Variants in PLEKHG3 observed in about 807,000 individuals in gnomAD.
PLEKHG3 encodes pleckstrin homology domain-containing family G member 3.
Under a neutral mutation model 94.9 loss-of-function variants are expected in PLEKHG3, and 62 were observed. That is an observed-to-expected ratio of 0.65 (90% CI 0.53 to 0.81). The LOEUF (loss-of-function observed/expected upper bound fraction) is 0.81. Ranked by LOEUF, PLEKHG3 falls within the 30% of genes least tolerant of loss-of-function variation. PLEKHG3 has a pLI of 0.00. For missense variants in PLEKHG3, 1,461 were observed against 1,619.3 expected (o/e 0.90, Z 1.68); for synonymous variants, 614 against 654.0 (o/e 0.94, Z 0.93).
At chr14:64,719,289 C>G (rs781175986) in intron 1 of PLEKHG3, among the ~76,000 whole-genome samples, 3 of 151,784 alleles carry the variant, frequency 2.0e-5, no homozygotes, top group Non-Finnish European at 4.4e-5. Flanking sequence ...GCAGAAAAAT[C>G]TCATTGTCTT....
At chr14:64,737,914 G>C in intron 14 of PLEKHG3, 3 of 1,214,722 alleles carry the variant, frequency 2.5e-6, no homozygotes, top group South Asian at 1.5e-5. Flanking sequence ...TCCCGTACTC[G>C]GGGCCTGCAG....
rs1317315850 is a variant in PLEKHG3 at position 64,745,461 on chromosome 14, CTTT to C, written c.*1762_*1764del. 4 of 152,196 alleles carry C rather than the reference CTTT, an allele frequency of 2.6e-5. No homozygotes were observed. Among genetic ancestry groups the C allele is most frequent in the Non-Finnish European group, 5.9e-5 (4 of 68,092 alleles). The allele number at this position is 152,196 out of a possible 1,614,324, so 9.4% of individuals were successfully genotyped here. On this transcript the variant is annotated 3_prime_UTR_variant, in exon 17 of 17. Coordinates refer to ENST00000247226, the MANE Select transcript of PLEKHG3 (RefSeq NM_001308147.2). The surrounding 1 kb of genome is among the most constrained non-coding windows in gnomAD (Gnocchi z 5.0). ...AGGGAAGATCAGAGGGACCCAGATT[CTTT>C]TTTATCCCCCACTTGAAACGGAGTC...
At position 64,722,369 on chromosome 14, in the gene PLEKHG3, C is replaced by T. The variant is rs769853758; in HGVS notation, c.-39-5224C>T. Among the ~76,000 whole-genome samples, 45 of 152,032 alleles carry T rather than the reference C, an allele frequency of 3.0e-4. No individual in the cohort carries two copies. Among genetic ancestry groups the T allele is most frequent in the Non-Finnish European group, 5.3e-4 (36 of 68,002 alleles). On this transcript the variant is annotated intron_variant, in intron 1 of 16. Coordinates refer to ENST00000247226, the MANE Select transcript of PLEKHG3 (RefSeq NM_001308147.2). The surrounding 1 kb of genome is among the most constrained non-coding windows in gnomAD (Gnocchi z 4.3). ...GATTACAGGTGCATGCCACCACACCCGGCTAATTTTTGTATTTTTAGTAGA... is the reference window on the plus strand; with the variant it reads ...GATTACAGGTGCATGCCACCACACCTGGCTAATTTTTGTATTTTTAGTAGA...
At position 64,725,205 on chromosome 14, in the gene PLEKHG3, G is replaced by A. The variant is rs1345623454; in HGVS notation, c.-39-2388G>A. Among the ~76,000 whole-genome samples, 2 of 152,188 alleles carry A rather than the reference G, an allele frequency of 1.3e-5. No homozygotes were observed. The highest frequency in any genetic ancestry group is 2.9e-5 in the Non-Finnish European group (2 of 68,036). On this transcript the variant is annotated intron_variant, in intron 1 of 16. Coordinates refer to ENST00000247226, the MANE Select transcript of PLEKHG3 (RefSeq NM_001308147.2). The surrounding 1 kb of genome is among the most constrained non-coding windows in gnomAD (Gnocchi z 5.0). ...CTAATGGTGTGTGTGTTGGGGTAGGGGTGGGGCTGTGAGTAATCTTTTGCT... is the reference window on the plus strand; with the variant it reads ...CTAATGGTGTGTGTGTTGGGGTAGGAGTGGGGCTGTGAGTAATCTTTTGCT...
intron 12 of PLEKHG3, among the ~76,000 whole-genome samples, chr14:64,735,363 G>A (rs1353384582): frequency 2.0e-5 from 3 of 152,210 alleles, no homozygotes; most frequent in African/African-American, 7.2e-5. Flanking sequence ...TGTAATCCTA[G>A]CACCTTGGGA....
Position 64,722,764 on chromosome 14 carries a change from T to C in PLEKHG3, c.-39-4829T>C, listed in dbSNP as rs1306933426. 1.3e-5 allele frequency among the ~76,000 whole-genome samples: 2 copies of C among 152,128 alleles called. No homozygotes were observed. The highest frequency in any genetic ancestry group is 3.9e-4 in the East Asian group (2 of 5,190). On this transcript the variant is annotated intron_variant, in intron 1 of 16. Coordinates refer to ENST00000247226, the MANE Select transcript of PLEKHG3 (RefSeq NM_001308147.2). The surrounding 1 kb of genome is among the most constrained non-coding windows in gnomAD (Gnocchi z 4.3). ...GCCCACCAGAGGGTTCACCCCCAAGTGTCCTCTTCCCCTCTCCTGCCTTGT... is the reference window on the plus strand; with the variant it reads ...GCCCACCAGAGGGTTCACCCCCAAGCGTCCTCTTCCCCTCTCCTGCCTTGT...
chr14:64,711,709 G>A (rs1262018579), intron 1 of PLEKHG3, among the ~76,000 whole-genome samples: 1 of 152,184 alleles, frequency 6.6e-6, no homozygotes, highest in Non-Finnish European at 1.5e-5. Context: ...ATTGCGCCCG[G>A]CCAAGAGTTC....
rs1566729644 is a variant in PLEKHG3, at chr14:64,749,477, C to CG, written c.*5778dup. On this transcript the variant is annotated 3_prime_UTR_variant, in exon 17 of 17. Coordinates refer to ENST00000247226, the MANE Select transcript of PLEKHG3 (RefSeq NM_001308147.2). This position sits in a 1 kb window ranked among gnomAD's most constrained non-coding sequence, Gnocchi z 4.7. ...GCAGCCAGGACAGCATCTCCTCCTG[C>CG]GGGGCGGAGGGTCACGGTGGAGTCT... 6 of 1,599,318 alleles carry CG rather than the reference C, an allele frequency of 3.8e-6. No homozygotes were observed. The African/African-American group carries it at 5.3e-5, about 14-fold the overall frequency.
In PLEKHG3 at chr14:64,749,973, G is replaced by A. The variant is rs772384819; in HGVS notation, c.*6270G>A. 107 of 1,614,116 alleles carry A rather than the reference G, an allele frequency of 6.6e-5. No individual in the cohort carries two copies. The highest frequency in any genetic ancestry group is 3.3e-4 in the Middle Eastern group (2 of 6,084). On this transcript the variant is annotated 3_prime_UTR_variant, in exon 17 of 17. Coordinates refer to ENST00000247226, the MANE Select transcript of PLEKHG3 (RefSeq NM_001308147.2). The surrounding 1 kb of genome is among the most constrained non-coding windows in gnomAD (Gnocchi z 4.7). Reference sequence around the variant, plus strand: ...AACCCGAGCTTTCAAAGGCCAGGAAGGCCTCACCTCAGCTTAAAGACGTGC... The same window carrying A: ...AACCCGAGCTTTCAAAGGCCAGGAAAGCCTCACCTCAGCTTAAAGACGTGC...
chr14:64,718,188 G>A lies in PLEKHG3; in HGVS notation c.-39-9405G>A, dbSNP rs1230834244. On this transcript the variant is annotated intron_variant, in intron 1 of 16. Coordinates refer to ENST00000247226, the MANE Select transcript of PLEKHG3 (RefSeq NM_001308147.2). This position sits in a 1 kb window ranked among gnomAD's most constrained non-coding sequence, Gnocchi z 5.0. ...ACTAGCTACTCCTTCTGTTAGCACA[G>A]TTTATTTATTCATGCTTTTGTACTA... Among the ~76,000 whole-genome samples, 1 of 152,190 alleles carries A rather than the reference G, an allele frequency of 6.6e-6. No individual in the cohort carries two copies. The highest frequency in any genetic ancestry group is 1.5e-5 in the Non-Finnish European group (1 of 68,040).
Position 64,749,745 on chromosome 14 carries a change from G to C in PLEKHG3, c.*6042G>C. ...TCATGGAGACACCTCTGGAGGGGGCGCTGGGCAGAGGGCTGGCTCTGATCC... is the reference window on the plus strand; with the variant it reads ...TCATGGAGACACCTCTGGAGGGGGCCCTGGGCAGAGGGCTGGCTCTGATCC... On this transcript the variant is annotated 3_prime_UTR_variant, in exon 17 of 17. Transcript: ENST00000247226. This position sits in a 1 kb window ranked among gnomAD's most constrained non-coding sequence, Gnocchi z 4.7. 1 of 1,600,736 alleles carries C rather than the reference G, an allele frequency of 6.2e-7. No individual in the cohort carries two copies. The highest frequency in any genetic ancestry group is 8.5e-7 in the Non-Finnish European group (1 of 1,172,524).
At chr14:64,706,747 G>A (rs945314365) in intron 1 of PLEKHG3, among the ~76,000 whole-genome samples, 9 of 152,250 alleles carry the variant, frequency 5.9e-5, no homozygotes, top group Non-Finnish European at 1.2e-4. Flanking sequence ...GTTTACGCTG[G>A]AAGAGGCCAA....
chr14:64,740,734 C>T (rs2081668947), intron 15 of PLEKHG3, among the ~76,000 whole-genome samples: 1 of 152,230 alleles, frequency 6.6e-6, no homozygotes, highest in Non-Finnish European at 1.5e-5. Context: ...CCACCTTGTC[C>T]CTGTAGCTCC....
intron 1 of PLEKHG3, among the ~76,000 whole-genome samples, chr14:64,724,409 A>C (rs931240271): frequency 6.6e-5 from 10 of 151,856 alleles, no homozygotes; most frequent in African/African-American, 2.4e-4. Flanking sequence ...AGAGAGAGAG[A>C]GCCTTGTGAT....
chr14:64,724,700 G>C (rs61987057), intron 1 of PLEKHG3, among the ~76,000 whole-genome samples: 7 of 152,206 alleles, frequency 4.6e-5, no homozygotes, highest in African/African-American at 7.2e-5. Flanking sequence ...GTCCCCTGCA[G>C]CTTATGCTGA....
intron 12 of PLEKHG3, among the ~76,000 whole-genome samples, chr14:64,736,253 C>T (rs115478230): frequency 0.012 from 1,821 of 152,346 alleles, 17 homozygotes; most frequent in African/African-American, 0.021. Flanking sequence ...ACACCATTGG[C>T]CTAATGGATG....
Position 64,716,496 on chromosome 14 carries a change from A to AACACAC in PLEKHG3, c.-39-11047_-39-11042dup, listed in dbSNP as rs58480790. ...ACACACACACAACACACACACACAC[A>AACACAC]ACACACACACACACACACACACACA... is the stretch of plus-strand genomic sequence containing the variant. On this transcript the variant is annotated intron_variant, in intron 1 of 16. Transcript: ENST00000247226. This position sits in a 1 kb window ranked among gnomAD's most constrained non-coding sequence, Gnocchi z 5.0. Among the ~76,000 whole-genome samples, 6,724 of 79,408 alleles carry AACACAC rather than the reference A, an allele frequency of 0.085. 518 individuals are homozygous for AACACAC. Among genetic ancestry groups the AACACAC allele is most frequent in the East Asian group, 0.16 (324 of 2,048 alleles). 52.1% of individuals were successfully genotyped at this position (79,408 alleles called of 152,430 possible).
chr14:64,731,106 GA>G lies in PLEKHG3; in HGVS notation c.787del (p.Thr263ProfsTer10). On this transcript the variant is annotated frameshift_variant, in exon 7 of 17. Coordinates refer to ENST00000247226, the MANE Select transcript of PLEKHG3 (RefSeq NM_001308147.2). LOFTEE classifies it high-confidence loss of function. This position sits in a 1 kb window ranked among gnomAD's most constrained non-coding sequence, Gnocchi z 6.1. The stretch of plus-strand genomic sequence containing the variant: ...TGGTGGAGGATGCCATTGACACCAT[GA>G]CCTGTGTGGCCTGGTACATCAACGA... Reference protein sequence around the residue: ...EVVEDAIDTMTCVAWYINDMK... With the variant: ...EVVEDAIDTMXCVAWYINDMK... 3 of 1,612,642 alleles carry G rather than the reference GA, an allele frequency of 1.9e-6. No homozygotes were observed. The highest frequency in any genetic ancestry group is 2.5e-6 in the Non-Finnish European group (3 of 1,178,704).
Position 64,744,664 on chromosome 14 carries a change from G to T in PLEKHG3, c.*961G>T, listed in dbSNP as rs2081796375. 6.6e-6 allele frequency: 1 copy of T among 152,216 alleles called. No homozygotes were observed. Among genetic ancestry groups the T allele is most frequent in the African/African-American group, 2.4e-5 (1 of 41,428 alleles). 9.4% of individuals were successfully genotyped at this position (152,216 alleles called of 1,614,324 possible). ...GGGCCAGAGTTGGACCAAGAAAAAG[G>T]GAGGTGGTGAGGTGGATAGACTGTT... On this transcript the variant is annotated 3_prime_UTR_variant, in exon 17 of 17. Coordinates refer to ENST00000247226, the MANE Select transcript of PLEKHG3 (RefSeq NM_001308147.2).
Sources: gnomAD v4.1 joint callset for allele counts (sites outside exome capture counted in the v4.1 genomes callset) on GRCh38, gnomAD v4.1.1 for gene constraint, Gnocchi (gnomAD v3.1) non-coding constraint, MANE v1.5 for transcripts, NCBI Gene and HGNC (gene_info 2026-07-23, HGNC 2026-07-21) for gene names.